SFT2D2: variants seen among roughly 807,000 people sequenced by gnomAD.
SFT2D2 encodes the protein SFT2 domain containing 2, also known as vesicle transport protein SFT2B.
A neutral mutation model predicts 27.4 loss-of-function variants in SFT2D2; 21 were observed. The ratio of observed to expected loss-of-function variants is 0.77; its 90% CI spans 0.54 to 1.10. The LOEUF (loss-of-function observed/expected upper bound fraction) is 1.10. SFT2D2 is among the 50% of genes least tolerant of loss of function. The pLI, the probability that SFT2D2 is intolerant of heterozygous loss-of-function variation, is 0.00. For missense variants in SFT2D2, 187 were observed against 194.2 expected, an observed-to-expected ratio of 0.96 and a Z score of 0.22; for synonymous variants, 72 against 71.7, an observed-to-expected ratio of 1.00 and a Z score of -0.02.
chr1:168,237,275 G>A (rs148067275), intron 6 of SFT2D2, among the ~76,000 whole-genome samples: 3 of 152,326 alleles, frequency 2.0e-5, no homozygotes, highest in Non-Finnish European at 2.9e-5. Context: ...ATGGAAAAAC[G>A]TGTGTCTGTG....
chr1:168,235,665 G>A (rs549255950), intron 4 of SFT2D2, among the ~76,000 whole-genome samples: 1 of 152,220 alleles, frequency 6.6e-6, no homozygotes, highest in East Asian at 1.9e-4. Flanking sequence ...CCTCCTTATG[G>A]CCTGTCATCC....
Position 168,247,930 on chromosome 1 carries a change from G to C in SFT2D2, c.*5390G>C, listed in dbSNP as rs2102337008. 1 of 152,358 alleles carries C rather than the reference G, an allele frequency of 6.6e-6. No individual in the cohort carries two copies. Among genetic ancestry groups the C allele is most frequent in the East Asian group, 1.9e-4 (1 of 5,186 alleles). 9.4% of individuals were successfully genotyped at this position (152,358 alleles called of 1,614,324 possible). A position where few individuals can be genotyped will look rare whatever the true frequency, so the allele number is the denominator to read the frequency against. On this transcript the variant is annotated 3_prime_UTR_variant, in exon 8 of 8. Transcript: ENST00000271375. ...GATTTGCATTTCCCTAATGACCAGTGATGATGAGCATTTTTTCATATGTTT... is the reference window on the plus strand; with the variant it reads ...GATTTGCATTTCCCTAATGACCAGTCATGATGAGCATTTTTTCATATGTTT...
intron 1 of SFT2D2, among the ~76,000 whole-genome samples, chr1:168,229,328 T>C (rs1022748575): frequency 2.0e-5 from 3 of 152,248 alleles, no homozygotes; most frequent in African/African-American, 7.2e-5. Context: ...CAGGCCATTC[T>C]CTGGAATCTC....
Position 168,245,918 on chromosome 1 carries a change from A to C in SFT2D2, c.*3378A>C, listed in dbSNP as rs1177342585. ...TTTGTACGTGGCCTTGCGTCTCCTT[A>C]GTACATTTTATAGTCGCTGTAAGTT... On this transcript the variant is annotated 3_prime_UTR_variant, in exon 8 of 8. Transcript: ENST00000271375. 1.3e-5 allele frequency: 2 copies of C among 158,324 alleles called. No individual in the cohort carries two copies. The highest frequency in any genetic ancestry group is 1.3e-4 in the Admixed American group (2 of 15,704). 9.8% of individuals were successfully genotyped at this position (158,324 alleles called of 1,614,324 possible).
At chr1:168,235,205 A>T in intron 4 of SFT2D2, 23 bp downstream of exon 4, 1 of 1,608,958 alleles carries the variant, frequency 6.2e-7, no homozygotes, top group Non-Finnish European at 8.5e-7. Context: ...TTTTAGCTGG[A>T]CTTCTCAGAT....
chr1:168,240,905 C>G (rs1647628684), intron 7 of SFT2D2, among the ~76,000 whole-genome samples: 1 of 152,004 alleles, frequency 6.6e-6, no homozygotes, highest in Admixed American at 6.6e-5. Flanking sequence ...GAGGGAGACT[C>G]TGTCTCAAAA....
intron 6 of SFT2D2, 30 bp from the exon 7 acceptor site, chr1:168,239,100 AT>A: frequency 6.4e-7 from 1 of 1,573,452 alleles, no homozygotes; most frequent in Non-Finnish European, 8.7e-7. Flanking sequence ...CCTTCATCTC[AT>A]TTGACCCTTT....
chr1:168,230,627 C>T (rs1479279527), intron 1 of SFT2D2, among the ~76,000 whole-genome samples: 1 of 152,186 alleles, frequency 6.6e-6, no homozygotes, highest in Non-Finnish European at 1.5e-5. Context: ...GCATGCACCA[C>T]CACACCTGGC....
rs758636118 is a variant in SFT2D2 at position 168,231,496 on chromosome 1, T to C, written c.64-18T>C. ...AGTAAATGTGTGTGTATATGTATTT[T>C]TTTTTTTTCAATTTTAGGTTGTTGA... On this transcript the variant is annotated intron_variant, in intron 1 of 7. Transcript: ENST00000271375. 28 of 1,580,578 alleles carry C rather than the reference T, an allele frequency of 1.8e-5. No individual in the cohort carries two copies. Among genetic ancestry groups the C allele is most frequent in the South Asian group, 4.5e-5 (4 of 89,376 alleles).
Position 168,242,980 on chromosome 1 carries a change from T to G in SFT2D2, c.*440T>G. On this transcript the variant is annotated 3_prime_UTR_variant, in exon 8 of 8. Transcript: ENST00000271375. Reference sequence around the variant, plus strand: ...AGCATGGAAGCCATCACCGTGGTCCTGCATAGAGTGAGTCTGCTTCTACTC... The same window carrying G: ...AGCATGGAAGCCATCACCGTGGTCCGGCATAGAGTGAGTCTGCTTCTACTC... 1 of 209,210 alleles carries G rather than the reference T, an allele frequency of 4.8e-6. No individual in the cohort carries two copies. Among genetic ancestry groups the G allele is most frequent in the Non-Finnish European group, 9.8e-6 (1 of 101,928 alleles). The allele number at this position is 209,210 out of a possible 1,614,324, so 13.0% of individuals were successfully genotyped here. A position where few individuals can be genotyped will look rare whatever the true frequency, so the allele number is the denominator to read the frequency against.
At chr1:168,232,852 G>T (rs1467069360) in intron 3 of SFT2D2, among the ~76,000 whole-genome samples, 1 of 152,220 alleles carries the variant, frequency 6.6e-6, no homozygotes, top group Admixed American at 6.5e-5. Context: ...CACGACCTGA[G>T]TCAGGGAGGG....
In SFT2D2 at chr1:168,250,215, C is replaced by T. The variant is rs1392647230; in HGVS notation, c.*7675C>T. On this transcript the variant is annotated 3_prime_UTR_variant, in exon 8 of 8. Transcript: ENST00000271375. ...CATGACCCTGCCTCCCAGGGTCTTCCTGCGTTTTTCCTTAAGTTGCCTTAT... is the reference window on the plus strand; with the variant it reads ...CATGACCCTGCCTCCCAGGGTCTTCTTGCGTTTTTCCTTAAGTTGCCTTAT... 1 of 152,166 alleles carries T rather than the reference C, an allele frequency of 6.6e-6. No individual in the cohort carries two copies. Among genetic ancestry groups the T allele is most frequent in the East Asian group, 1.9e-4 (1 of 5,192 alleles). The allele number at this position is 152,166 out of a possible 1,614,324, so 9.4% of individuals were successfully genotyped here. A position where few individuals can be genotyped will look rare whatever the true frequency, so the allele number is the denominator to read the frequency against.
At chr1:168,227,246 AC>A (rs1385355055) in intron 1 of SFT2D2, among the ~76,000 whole-genome samples, 4 of 152,224 alleles carry the variant, frequency 2.6e-5, no homozygotes, top group African/African-American at 9.7e-5. Context: ...TGACAAAATA[AC>A]GTTTCTCTTC....
At chr1:168,237,270 A>T (rs1220427538) in intron 6 of SFT2D2, among the ~76,000 whole-genome samples, 1 of 152,232 alleles carries the variant, frequency 6.6e-6, no homozygotes, top group Non-Finnish European at 1.5e-5. Context: ...ACGAAATGGA[A>T]AAACGTGTGT....
In SFT2D2 at chr1:168,226,033, C is replaced by T. The variant is rs1418221583; in HGVS notation, c.-47C>T. On this transcript the variant is annotated 5_prime_UTR_variant, in exon 1 of 8. Coordinates refer to ENST00000271375, the MANE Select transcript of SFT2D2 (RefSeq NM_199344.3). ...GGAAGAGCCGTCAACTTAGCGAGCGCAACAGGCTGCCGCTGAGGAGCTGGA... is the reference window on the plus strand; with the variant it reads ...GGAAGAGCCGTCAACTTAGCGAGCGTAACAGGCTGCCGCTGAGGAGCTGGA... 6.8e-6 allele frequency: 10 copies of T among 1,474,472 alleles called. No homozygotes were observed. Among genetic ancestry groups the T allele is most frequent in the Non-Finnish European group, 3.6e-6 (4 of 1,106,160 alleles). 91.3% of individuals were successfully genotyped at this position (1,474,472 alleles called of 1,614,324 possible). A position where few individuals can be genotyped will look rare whatever the true frequency, so the allele number is the denominator to read the frequency against.
At position 168,252,208 on chromosome 1, in the gene SFT2D2, T is replaced by A. The variant is rs1304061265; in HGVS notation, c.*9668T>A. ...TAGAAATGTAGAAAATGATTTTTTG[T>A]AGACAGGATGATCTGTCTAGATTGT... On this transcript the variant is annotated 3_prime_UTR_variant, in exon 8 of 8. Coordinates refer to ENST00000271375, the MANE Select transcript of SFT2D2 (RefSeq NM_199344.3). 1 of 152,220 alleles carries A rather than the reference T, an allele frequency of 6.6e-6. No individual in the cohort carries two copies. Among genetic ancestry groups the A allele is most frequent in the Non-Finnish European group, 1.5e-5 (1 of 68,038 alleles). 9.4% of individuals were successfully genotyped at this position (152,220 alleles called of 1,614,324 possible).
At chr1:168,236,020 C>T (rs905906488) in intron 4 of SFT2D2, among the ~76,000 whole-genome samples, 12 of 152,108 alleles carry the variant, frequency 7.9e-5, no homozygotes, top group Admixed American at 7.9e-4. Context: ...AGAAGGATGG[C>T]GAAGAAAGGC....
intron 7 of SFT2D2, among the ~76,000 whole-genome samples, chr1:168,240,265 A>G (rs914816773): frequency 1.3e-5 from 2 of 152,124 alleles, no homozygotes; most frequent in African/African-American, 4.8e-5. Context: ...AACAAATTCC[A>G]AGACTGTTGC....
chr1:168,240,351 T>TG (rs987143357), intron 7 of SFT2D2, among the ~76,000 whole-genome samples: 1 of 151,968 alleles, frequency 6.6e-6, no homozygotes, highest in Admixed American at 6.6e-5. Context: ...GGCAGCTGAG[T>TG]GGCTTTGTTG....
Sources: allele counts gnomAD v4.1 joint callset (sites outside exome capture counted in the v4.1 genomes callset), GRCh38; gene constraint gnomAD v4.1.1; transcripts MANE v1.5; gene names NCBI Gene and HGNC (gene_info 2026-07-23, HGNC 2026-07-21).